Variants in NUP42 observed in about 807,000 individuals in gnomAD.
NUP42 encodes the protein nucleoporin NUP42.
NUP42 carries 47 observed loss-of-function variants against 35.9 expected under a neutral mutation model. The observed-to-expected ratio is 1.31, with a 90% CI of 1.04 to 1.67. NUP42 has a LOEUF of 1.67. Among genes scored for constraint, NUP42 ranks in the 40% most tolerant of loss-of-function variants. The probability of loss-of-function intolerance (pLI) is 0.00; values close to 1 mark genes in which losing one functional copy is unlikely to be tolerated. For missense variants in NUP42, 514 were observed against 492.2 expected, an observed-to-expected ratio of 1.04 and a Z score of -0.42; for synonymous variants, 173 against 173.3, an observed-to-expected ratio of 1.00 and a Z score of 0.01.
At chr7:23,192,457 G>A (rs1785826646) in intron 3 of NUP42, among the ~76,000 whole-genome samples, 1 of 147,898 alleles carries the variant, frequency 6.8e-6, no homozygotes, top group South Asian at 2.1e-4. Flanking sequence ...TGAGGCAGGA[G>A]AATTGCCTGA....
In NUP42 at chr7:23,195,849, C is replaced by G. The variant is rs756541287; in HGVS notation, c.456C>G (p.Asp152Glu). Reference sequence around the variant, plus strand: ...GATTCCTCACTTCAGGTTTTACAGACATTTCACCAGAGGAATTGAGGCTTG... The same window carrying G: ...GATTCCTCACTTCAGGTTTTACAGAGATTTCACCAGAGGAATTGAGGCTTG... ...KKKPNISGFT[D>E]ISPEELRLEY... The change falls in exon 4 of 7, where the codon GAC becomes GAG. Residue 152 changes from aspartate to glutamate, a missense_variant. Asp to Glu is a conservative substitution (Grantham distance 45, BLOSUM62 2). Coordinates refer to ENST00000258742, the MANE Select transcript of NUP42 (RefSeq NM_007342.3). 2 of 1,598,256 alleles carry G rather than the reference C, an allele frequency of 1.3e-6. No homozygotes were observed. Among genetic ancestry groups the G allele is most frequent in the South Asian group, 2.3e-5 (2 of 88,886 alleles).
intron 3 of NUP42, among the ~76,000 whole-genome samples, chr7:23,194,005 A>T (rs941257668): frequency 6.6e-6 from 1 of 152,226 alleles, no homozygotes; most frequent in Admixed American, 6.5e-5. Flanking sequence ...CGGCAGGGCC[A>T]GCCGGCAGCT....
chr7:23,191,288 A>G (rs1464963311), intron 3 of NUP42, among the ~76,000 whole-genome samples: 3 of 152,174 alleles, frequency 2.0e-5, no homozygotes, highest in Admixed American at 2.0e-4. Flanking sequence ...AAGCTAACTC[A>G]GCATGCTGTG....
Position 23,195,859 on chromosome 7 carries a change from G to T in NUP42, c.466G>T (p.Glu156Ter). 1 of 1,602,240 alleles carries T rather than the reference G, an allele frequency of 6.2e-7. No homozygotes were observed. Among genetic ancestry groups the T allele is most frequent in the Non-Finnish European group, 8.5e-7 (1 of 1,175,010 alleles). ...TTCAGGTTTTACAGACATTTCACCA[G>T]AGGAATTGAGGCTTGAATACCATAA... ...NISGFTDISPEELRLEYHNFL... is the reference protein window; with the variant it reads ...NISGFTDISP Residue 156 changes from glutamate (E) to a stop codon, truncating the protein, a stop_gained, in exon 4 of 7, where the codon GAG (glutamate) becomes TAG (stop). Coordinates refer to ENST00000258742, the MANE Select transcript of NUP42 (RefSeq NM_007342.3). LOFTEE classifies it high-confidence loss of function.
chr7:23,192,250 A>G (rs1785817365), intron 3 of NUP42, among the ~76,000 whole-genome samples: 1 of 152,164 alleles, frequency 6.6e-6, no homozygotes, highest in Non-Finnish European at 1.5e-5. Context: ...GAAAATGTTA[A>G]GAAAATCATA....
At chr7:23,191,139 G>C (rs1323564085) in intron 3 of NUP42, among the ~76,000 whole-genome samples, 1 of 152,222 alleles carries the variant, frequency 6.6e-6, no homozygotes, top group East Asian at 1.9e-4. Flanking sequence ...TGAATTACTG[G>C]AGGAGAGTAA....
intron 4 of NUP42, 125 bp from the exon 5 acceptor site, chr7:23,196,555 A>G (rs1786016963): frequency 1.5e-6 from 1 of 670,416 alleles, no homozygotes; most frequent in Non-Finnish European, 2.6e-6. Flanking sequence ...TTTGCAAGTC[A>G]TGGGCCATAA....
Position 23,199,457 on chromosome 7 carries a change from GCTCT to G in NUP42, c.612_615del (p.Ser205MetfsTer2). Reference sequence around the variant, plus strand: ...ATTATTTGCACACTTTTTTTTTTCAGCTCTCTGATGTAAAGGATGGAGTAAATCA... The same window carrying G: ...ATTATTTGCACACTTTTTTTTTTCAGCTGATGTAAAGGATGGAGTAAATCA... On this transcript the variant is annotated frameshift_variant and splice_region_variant, in exon 6 of 7. Coordinates refer to ENST00000258742, the MANE Select transcript of NUP42 (RefSeq NM_007342.3). LOFTEE classifies it high-confidence loss of function. 6.2e-7 allele frequency: 1 copy of G among 1,608,458 alleles called. No individual in the cohort carries two copies. Among genetic ancestry groups the G allele is most frequent in the East Asian group, 2.2e-5 (1 of 44,838 alleles).
intron 2 of NUP42, among the ~76,000 whole-genome samples, chr7:23,186,476 C>T (rs77571253): frequency 0.026 from 3,995 of 152,242 alleles, 174 homozygotes; most frequent in African/African-American, 0.091. Flanking sequence ...CACGGCATTA[C>T]CACAGATTAG....
At position 23,200,831 on chromosome 7, in the gene NUP42, A is replaced by G. The variant is rs912780405; in HGVS notation, c.*86A>G. On this transcript the variant is annotated 3_prime_UTR_variant, in exon 7 of 7. Transcript: ENST00000258742. ...GAGATGTATATATGCATACATGTAT[A>G]TATTCATAAGGAATATAAGCTTCCA... 90 of 714,282 alleles carry G rather than the reference A, an allele frequency of 1.3e-4. No homozygotes were observed. The highest frequency in any genetic ancestry group is 1.7e-4 in the Non-Finnish European group (80 of 469,756). 44.2% of individuals were successfully genotyped at this position (714,282 alleles called of 1,614,324 possible). A position where few individuals can be genotyped will look rare whatever the true frequency, so the allele number is the denominator to read the frequency against.
At position 23,185,125 on chromosome 7, in the gene NUP42, G is replaced by A; in HGVS notation, c.177G>A (p.Gln59=). The change falls in exon 2 of 7, where the codon CAG becomes CAA. Residue 59 remains glutamine (Q), a synonymous_variant. Coordinates refer to ENST00000258742, the MANE Select transcript of NUP42 (RefSeq NM_007342.3). ...TTSQRYSNVI[Q]PSSFSKSTPW... is the part of the protein sequence containing the mutation. ...GCCAGAGATATTCCAATGTCATCCA[G>A]CCATCCAGTTTCTCCAAATCCACAC... The A allele has an allele frequency of 6.2e-7, 1 of 1,614,160 alleles. No homozygotes were observed. Among genetic ancestry groups the A allele is most frequent in the Non-Finnish European group, 8.5e-7 (1 of 1,180,026 alleles).
intron 1 of NUP42, 123 bp from the exon 2 acceptor site, chr7:23,184,947 A>C (rs980447056): frequency 1.3e-6 from 1 of 756,366 alleles, no homozygotes; most frequent in African/African-American, 1.8e-5. Context: ...TTGAGGTTAC[A>C]GTGAGCCAAG....
intron 2 of NUP42, among the ~76,000 whole-genome samples, chr7:23,185,642 C>G (rs1785566152): frequency 6.6e-6 from 1 of 152,064 alleles, no homozygotes; most frequent in Non-Finnish European, 1.5e-5. Context: ...TAAGATTAGT[C>G]CTGCTTAAGT....
Position 23,182,292 on chromosome 7 carries a change from T to TCA in NUP42, c.121+86_121+87insCA, listed in dbSNP as rs1420594599. ...GGGCGTCCCGCGTGTTTCCCGCTGC[T>TCA]GGTGACCCCAACGTGCCCGCGTCGC... On this transcript the variant is annotated intron_variant, in intron 1 of 6. Transcript: ENST00000258742. 4 of 1,525,320 alleles carry TCA rather than the reference T, an allele frequency of 2.6e-6. No homozygotes were observed. The African/African-American group carries it at 5.5e-5, about 21-fold the overall frequency. The allele number at this position is 1,525,320 out of a possible 1,614,324, so 94.5% of individuals were successfully genotyped here. A position where few individuals can be genotyped will look rare whatever the true frequency, so the allele number is the denominator to read the frequency against.
chr7:23,193,334 T>C (rs555396523), intron 3 of NUP42, among the ~76,000 whole-genome samples: 20 of 152,306 alleles, frequency 1.3e-4, no homozygotes, highest in African/African-American at 4.8e-4. Flanking sequence ...TCGTGCTGAT[T>C]GGTTCATTTT....
chr7:23,188,396 A>T, intron 3 of NUP42: 1 of 983,204 alleles, frequency 1.0e-6, no homozygotes, highest in Non-Finnish European at 1.2e-6. Flanking sequence ...AACTAAGATA[A>T]TTTCAGATAA....
At position 23,188,010 on chromosome 7, in the gene NUP42, T is replaced by A. The variant is rs372993724; in HGVS notation, c.445+864T>A. On this transcript the variant is annotated intron_variant, in intron 3 of 6. Coordinates refer to ENST00000258742, the MANE Select transcript of NUP42 (RefSeq NM_007342.3). ...TCTCTCTCTTTTTTTATTTTTTATT[T>A]TTATTTTTTTTTTTGTCCATAGTCC... is the stretch of plus-strand genomic sequence containing the variant. 6.9e-3 allele frequency: 7,206 copies of A among 1,048,436 alleles called. 118 individuals carry two copies. The highest frequency in any genetic ancestry group is 0.056 in the African/African-American group (3,040 of 54,672). 64.9% of individuals were successfully genotyped at this position (1,048,436 alleles called of 1,614,324 possible).
chr7:23,196,613 T>A (rs2128474769), intron 4 of NUP42, 67 bp from the exon 5 acceptor site: 1 of 1,179,990 alleles, frequency 8.5e-7, no homozygotes, highest in Non-Finnish European at 1.2e-6. Flanking sequence ...GTATGTGAAG[T>A]TTTTATTGAA....
chr7:23,182,241 C>T (rs374765530), intron 1 of NUP42, 35 bp downstream of exon 1: 7 of 1,570,394 alleles, frequency 4.5e-6, no homozygotes, highest in Middle Eastern at 1.8e-4. Flanking sequence ...GGTAACCGAG[C>T]CGGGAAGGGT....
Sources: allele counts gnomAD v4.1 joint callset (sites outside exome capture counted in the v4.1 genomes callset), GRCh38; gene constraint gnomAD v4.1.1; transcripts MANE v1.5; gene names NCBI Gene and HGNC (gene_info 2026-07-23, HGNC 2026-07-21).